Variants in CRYBG1 observed in about 807,000 individuals in gnomAD.
The protein encoded by CRYBG1 is beta/gamma crystallin domain-containing protein 1.
In CRYBG1, 139 loss-of-function variants were observed where a neutral mutation model predicts 189.2. The ratio of observed to expected loss-of-function variants is 0.73; its 90% CI spans 0.64 to 0.85. CRYBG1 has a LOEUF of 0.85. Among genes scored for constraint, CRYBG1 ranks in the 40% least tolerant of loss-of-function variants. The pLI, the probability that CRYBG1 is intolerant of heterozygous loss-of-function variation, is 0.00. For missense variants in CRYBG1, 2,611 were observed against 2,675.8 expected, an observed-to-expected ratio of 0.98 and a Z score of 0.53; for synonymous variants, 1,023 against 1,017.1, an observed-to-expected ratio of 1.01 and a Z score of -0.11.
chr6:106,404,727 G>A (rs773395895), intron 1 of CRYBG1, among the ~76,000 whole-genome samples: 1 of 152,146 alleles, frequency 6.6e-6, no homozygotes, highest in Non-Finnish European at 1.5e-5. Context: ...GCGGCCCACC[G>A]AGGGTGAGCA....
intron 1 of CRYBG1, among the ~76,000 whole-genome samples, chr6:106,369,302 A>G (rs182981849): frequency 9.8e-5 from 15 of 152,358 alleles, no homozygotes; most frequent in Admixed American, 9.8e-4. Flanking sequence ...CTTCTCATAA[A>G]TGGCAATTAA....
chr6:106,429,718 A>AGAG (rs1257169722), intron 1 of CRYBG1, among the ~76,000 whole-genome samples: 1 of 152,114 alleles, frequency 6.6e-6, no homozygotes, highest in Non-Finnish European at 1.5e-5. Flanking sequence ...CCATTACTTA[A>AGAG]CCTCTTTTAG....
intron 20 of CRYBG1, 66 bp downstream of exon 20, chr6:106,561,566 G>A: frequency 6.6e-7 from 1 of 1,514,732 alleles, no homozygotes; most frequent in Non-Finnish European, 8.9e-7. Flanking sequence ...CCTTTCATAT[G>A]CTTTTGATCT....
intron 6 of CRYBG1, 28 bp downstream of exon 6, chr6:106,525,414 G>A (rs771251628): frequency 6.4e-7 from 1 of 1,563,092 alleles, no homozygotes; most frequent in Non-Finnish European, 8.8e-7. Flanking sequence ...AGTTCCTGAT[G>A]TCAAGTGTTT....
At chr6:106,473,966 A>C (rs1020007322) in intron 2 of CRYBG1, among the ~76,000 whole-genome samples, 6 of 152,244 alleles carry the variant, frequency 3.9e-5, no homozygotes, top group African/African-American at 1.4e-4. Context: ...CTTTATAAGA[A>C]GAACACTACT....
chr6:106,469,409 T>C (rs1772182978), intron 2 of CRYBG1, among the ~76,000 whole-genome samples: 1 of 152,244 alleles, frequency 6.6e-6, no homozygotes, highest in South Asian at 2.1e-4. Flanking sequence ...TTTTGTCTCT[T>C]TTGTTCATTG....
chr6:106,465,549 C>T (rs960177486), intron 2 of CRYBG1, among the ~76,000 whole-genome samples: 1 of 152,198 alleles, frequency 6.6e-6, no homozygotes, highest in African/African-American at 2.4e-5. Flanking sequence ...AGAAGCTCAT[C>T]TCTATCTGTT....
intron 1 of CRYBG1, among the ~76,000 whole-genome samples, chr6:106,382,584 G>C (rs1770307363): frequency 6.6e-6 from 1 of 152,040 alleles, no homozygotes; most frequent in Admixed American, 6.6e-5. Context: ...TGTAATACCA[G>C]CACTTTGGAA....
rs534704939 is a variant in CRYBG1 at position 106,410,358 on chromosome 6, A to G, written c.174-41336A>G. On this transcript the variant is annotated intron_variant, in intron 1 of 21. Coordinates refer to ENST00000633556, the MANE Select transcript of CRYBG1 (RefSeq NM_001371242.2). ...CACGCCAGTTAGAATGGTGATCATT[A>G]AAGAGTCAGGAAACAACAGATGCTG... Among the ~76,000 whole-genome samples, 10 of 152,358 alleles carry G rather than the reference A, an allele frequency of 6.6e-5. No homozygotes were observed. In the South Asian group the frequency reaches 2.1e-3, roughly 32 times the overall value.
intron 1 of CRYBG1, among the ~76,000 whole-genome samples, chr6:106,389,140 T>C (rs1770447867): frequency 6.6e-6 from 1 of 152,208 alleles, no homozygotes; most frequent in African/African-American, 2.4e-5. Context: ...CTTTTTATCA[T>C]TTTGTAAATC....
intron 6 of CRYBG1, 79 bp from the exon 7 acceptor site, chr6:106,527,226 G>T: frequency 8.3e-7 from 1 of 1,206,904 alleles, no homozygotes; most frequent in Non-Finnish European, 1.1e-6. Flanking sequence ...ATATAAAATG[G>T]CAATTAGCCA....
At chr6:106,471,744 C>T (rs1313541536) in intron 2 of CRYBG1, among the ~76,000 whole-genome samples, 1 of 151,854 alleles carries the variant, frequency 6.6e-6, no homozygotes, top group Non-Finnish European at 1.5e-5. Context: ...CACCCCTACC[C>T]CCCAGCCCCA....
intron 1 of CRYBG1, among the ~76,000 whole-genome samples, chr6:106,365,422 GTC>G (rs1771967280): frequency 6.8e-6 from 1 of 146,128 alleles, no homozygotes; most frequent in Non-Finnish European, 1.5e-5. Context: ...GTGAGACTCT[GTC>G]TCAAAAAAAG....
At chr6:106,483,398 A>G (rs892064901) in intron 2 of CRYBG1, among the ~76,000 whole-genome samples, 7 of 108,696 alleles carry the variant, frequency 6.4e-5, no homozygotes, top group Non-Finnish European at 1.5e-4. Context: ...ATAGATATAT[A>G]TATAAAACAT....
chr6:106,541,482 T>C (rs1774129051), intron 9 of CRYBG1, 104 bp from the exon 10 acceptor site: 2 of 1,100,564 alleles, frequency 1.8e-6, no homozygotes, highest in South Asian at 1.3e-5. Context: ...AACCAGAACA[T>C]AGTCACACTG....
rs150462859 is a variant in CRYBG1 at position 106,432,984 on chromosome 6, C to T, written c.174-18710C>T. Among the ~76,000 whole-genome samples the T allele has an allele frequency of 2.6e-5, 4 of 151,874 alleles. No homozygotes were observed. The East Asian group carries it at 7.8e-4, about 30-fold the overall frequency. Reference sequence around the variant, plus strand: ...ACTCCTGAGTAGCTGGAACTATAGGCAGGCGCCACCACACCCAGCTAATTG... The same window carrying T: ...ACTCCTGAGTAGCTGGAACTATAGGTAGGCGCCACCACACCCAGCTAATTG... On this transcript the variant is annotated intron_variant, in intron 1 of 21. Transcript: ENST00000633556.
At chr6:106,433,915 T>C (rs1263979071) in intron 1 of CRYBG1, among the ~76,000 whole-genome samples, 1 of 151,712 alleles carries the variant, frequency 6.6e-6, no homozygotes, top group Admixed American at 6.6e-5. Flanking sequence ...ACAACAAACA[T>C]TTATTATCTC....
At chr6:106,411,802 C>T (rs115111065) in intron 1 of CRYBG1, among the ~76,000 whole-genome samples, 1,890 of 152,210 alleles carry the variant, frequency 0.012, 39 homozygotes, top group African/African-American at 0.043. Context: ...CCTGGGAGGC[C>T]GCTGATTCAA....
chr6:106,423,695 C>CTTTTTTTTTTTTTTTTTTTTTTTTT (rs869170326), intron 1 of CRYBG1, among the ~76,000 whole-genome samples: 1 of 42,918 alleles, frequency 2.3e-5, no homozygotes, highest in African/African-American at 7.2e-5. Context: ...TCTCCCTCCC[C>CTTTTTTTTTTTTTTTTTTTTTTTTT]TTTTTTTTTT....
Sources: gnomAD v4.1 joint callset for allele counts (sites outside exome capture counted in the v4.1 genomes callset) on GRCh38, gnomAD v4.1.1 for gene constraint, MANE v1.5 for transcripts, NCBI Gene and HGNC (gene_info 2026-07-23, HGNC 2026-07-21) for gene names.